The following FAM114A2 variants were observed in gnomAD, a reference collection of about 807,000 sequenced individuals.
FAM114A2 encodes protein FAM114A2.
Under a neutral mutation model 58.4 loss-of-function variants are expected in FAM114A2, and 53 were observed. The ratio of observed to expected loss-of-function variants is 0.91; its 90% CI spans 0.73 to 1.14. The LOEUF is 1.14. Among genes scored for constraint, FAM114A2 ranks in the 50% most tolerant of loss-of-function variants. The pLI is 0.00. For synonymous variants in FAM114A2, 228 were observed against 211.4 expected (o/e 1.08, Z -0.68); for missense variants, 601 against 581.1 (o/e 1.03, Z -0.35).
intron 9 of FAM114A2, among the ~76,000 whole-genome samples, chr5:154,010,609 A>G (rs1223868387): frequency 6.6e-6 from 1 of 152,192 alleles, no homozygotes; most frequent in Non-Finnish European, 1.5e-5. Flanking sequence ...GTAAAGAGGT[A>G]GCAAGCAATC....
Position 153,997,953 on chromosome 5 carries a change from G to A in FAM114A2, c.1257-78C>T, listed in dbSNP as rs1769692841. ...GTTATATTTAACAATTGTCAGAAGA[G>A]AACAAATCACTTCTGGTACTAAATG... On this transcript the variant is annotated intron_variant, in intron 11 of 13. Coordinates refer to ENST00000351797, the MANE Select transcript of FAM114A2 (RefSeq NM_018691.4). 1.1e-5 allele frequency: 10 copies of A among 871,976 alleles called. No homozygotes were observed. The Admixed American group carries it at 1.8e-4, about 16-fold the overall frequency. 54.0% of individuals were successfully genotyped at this position (871,976 alleles called of 1,614,324 possible).
At chr5:154,024,428 G>T (rs1026847054) in intron 8 of FAM114A2, among the ~76,000 whole-genome samples, 1 of 152,036 alleles carries the variant, frequency 6.6e-6, no homozygotes, top group African/African-American at 2.4e-5. Context: ...AAAAGAAAAA[G>T]TTTAGTGAGA....
At chr5:154,021,465 C>T (rs973029556) in intron 8 of FAM114A2, among the ~76,000 whole-genome samples, 16 of 152,160 alleles carry the variant, frequency 1.1e-4, no homozygotes, top group African/African-American at 3.4e-4. Flanking sequence ...GACACAAAAT[C>T]GATGTTGAAA....
At chr5:154,033,259 C>G (rs1277619732) in intron 4 of FAM114A2, among the ~76,000 whole-genome samples, 2 of 152,174 alleles carry the variant, frequency 1.3e-5, no homozygotes. Flanking sequence ...TGAAAAGATT[C>G]CTATTTTCTG....
Position 154,022,400 on chromosome 5 carries a change from G to T in FAM114A2, c.913+3999C>A, listed in dbSNP as rs553098917. On this transcript the variant is annotated intron_variant, in intron 8 of 13. Coordinates refer to ENST00000351797, the MANE Select transcript of FAM114A2 (RefSeq NM_018691.4). ...CAATCTACCCATCTGACAAAGGGCT[G>T]ATATCCAGAATTTACAAAGAACTTA... Among the ~76,000 whole-genome samples the T allele has an allele frequency of 5.9e-5, 9 of 152,164 alleles. No homozygotes were observed. The East Asian group carries it at 1.7e-3, about 29-fold the overall frequency.
chr5:154,028,411 T>C (rs1771951553), intron 5 of FAM114A2, 128 bp from the exon 6 acceptor site: 1 of 639,328 alleles, frequency 1.6e-6, no homozygotes, highest in African/African-American at 1.8e-5. Flanking sequence ...GTAAAGCAAA[T>C]GAAACAATCA....
intron 9 of FAM114A2, among the ~76,000 whole-genome samples, chr5:154,007,065 G>A (rs778981253): frequency 9.9e-4 from 150 of 152,264 alleles, no homozygotes; most frequent in Non-Finnish European, 1.7e-3. Flanking sequence ...AAAGTGCTGG[G>A]ATTACAGGCG....
rs148778672 is a variant in FAM114A2, at chr5:154,026,445, T to C, written c.867A>G (p.Thr289=). The C allele has an allele frequency of 3.8e-6, 6 of 1,582,118 alleles. No homozygotes were observed. The highest frequency in any genetic ancestry group is 3.4e-6 in the Non-Finnish European group (4 of 1,165,890). The change falls in exon 8 of 14, where the codon ACA becomes ACG. Residue 289 remains threonine (T), a synonymous_variant. Transcript: ENST00000351797. ...LKVELEQLKE[T]FSLAEFCEEE... is the part of the protein sequence containing the mutation. ...CTTCACAAAATTCTGCTAGAGAAAATGTTTCTTTGAGTTGCTCTAATTCAA... is the reference window on the plus strand; with the variant it reads ...CTTCACAAAATTCTGCTAGAGAAAACGTTTCTTTGAGTTGCTCTAATTCAA...
rs1227720907 is a variant in FAM114A2, at chr5:153,991,080, T to C, written c.*1896A>G. Reference sequence around the variant, plus strand: ...CTAGTGGTCCCTAACTCCATTAAAATAAATAAATATATATGGGGGGGTGGG... The same window carrying C: ...CTAGTGGTCCCTAACTCCATTAAAACAAATAAATATATATGGGGGGGTGGG... On this transcript the variant is annotated 3_prime_UTR_variant, in exon 14 of 14. Coordinates refer to ENST00000351797, the MANE Select transcript of FAM114A2 (RefSeq NM_018691.4). The C allele has an allele frequency of 4.7e-5, 7 of 150,208 alleles. No homozygotes were observed. The highest frequency in any genetic ancestry group is 1.0e-4 in the Non-Finnish European group (7 of 67,656). The allele number at this position is 150,208 out of a possible 1,614,324, so 9.3% of individuals were successfully genotyped here. A position where few individuals can be genotyped will look rare whatever the true frequency, so the allele number is the denominator to read the frequency against.
intron 8 of FAM114A2, among the ~76,000 whole-genome samples, chr5:154,011,775 G>C (rs1321732134): frequency 1.3e-5 from 2 of 152,156 alleles, no homozygotes. Context: ...CATCAAACTT[G>C]AGTACAAGTT....
In FAM114A2 at chr5:154,034,823, T is replaced by C. The variant is rs1280102442; in HGVS notation, c.131A>G (p.Glu44Gly). ...DQGAKPESKSEPVVSTRKRPE... is the reference protein window; with the variant it reads ...DQGAKPESKSGPVVSTRKRPE... ...TCTTTTCCGAGTGGAAACTACAGGT[T>C]CTGATTTACTCTCTGGTTTGGCACC... The change falls in exon 2 of 14, where the codon GAA (glutamate) becomes GGA (glycine). Residue 44 changes from glutamate (E) to glycine (G), a missense_variant. Coordinates refer to ENST00000351797, the MANE Select transcript of FAM114A2 (RefSeq NM_018691.4). 4 of 1,613,930 alleles carry C rather than the reference T, an allele frequency of 2.5e-6. No individual in the cohort carries two copies. The highest frequency in any genetic ancestry group is 1.7e-5 in the Admixed American group (1 of 59,998).
chr5:153,995,389 A>G (rs2113164753), intron 12 of FAM114A2: 1 of 154,132 alleles, frequency 6.5e-6, no homozygotes, highest in East Asian at 1.9e-4. Flanking sequence ...CTTATAGTTG[A>G]TATGCTGGCT....
At chr5:154,028,615 C>A (rs1771965572) in intron 5 of FAM114A2, among the ~76,000 whole-genome samples, 1 of 152,126 alleles carries the variant, frequency 6.6e-6, no homozygotes, top group Non-Finnish European at 1.5e-5. Context: ...CTGAAAACTA[C>A]CCCAATGCTC....
chr5:154,017,397 G>A (rs529887970), intron 8 of FAM114A2, among the ~76,000 whole-genome samples: 19 of 152,282 alleles, frequency 1.2e-4, no homozygotes, highest in African/African-American at 3.8e-4. Flanking sequence ...AGCCGAGATC[G>A]TGCCATTGCA....
rs763776800 is a variant in FAM114A2, at chr5:154,023,021, CA to C, written c.913+3377del. On this transcript the variant is annotated intron_variant, in intron 8 of 13. Coordinates refer to ENST00000351797, the MANE Select transcript of FAM114A2 (RefSeq NM_018691.4). ...TGAAGCTGGAAACCATCATTCTGAG[CA>C]AACTATCACAAGGACAGAAAACCAA... Among the ~76,000 whole-genome samples the C allele has an allele frequency of 5.9e-5, 9 of 152,198 alleles. No homozygotes were observed. The South Asian group carries it at 1.5e-3, about 25-fold the overall frequency.
chr5:154,010,026 T>C (rs1308982093), intron 9 of FAM114A2, among the ~76,000 whole-genome samples: 2 of 152,322 alleles, frequency 1.3e-5, no homozygotes, highest in South Asian at 4.1e-4. Flanking sequence ...CTGAAGTTGA[T>C]AGCTACACTG....
intron 9 of FAM114A2, among the ~76,000 whole-genome samples, chr5:154,009,035 G>A (rs1290380354): frequency 2.0e-5 from 3 of 152,146 alleles, no homozygotes; most frequent in African/African-American, 7.2e-5. Context: ...AACACATATA[G>A]GTGTATATGT....
At chr5:153,998,270 C>A (rs2113197336) in intron 11 of FAM114A2, among the ~76,000 whole-genome samples, 1 of 152,298 alleles carries the variant, frequency 6.6e-6, no homozygotes, top group South Asian at 2.1e-4. Flanking sequence ...GGTTATCAGA[C>A]TGACTGTTGT....
At chr5:154,017,191 C>A (rs1479314393) in intron 8 of FAM114A2, among the ~76,000 whole-genome samples, 1 of 152,178 alleles carries the variant, frequency 6.6e-6, no homozygotes, top group Non-Finnish European at 1.5e-5. Context: ...GCCTGTAATC[C>A]CAGCATTTTG....
Sources: allele counts gnomAD v4.1 joint callset (sites outside exome capture counted in the v4.1 genomes callset), GRCh38; gene constraint gnomAD v4.1.1; transcripts MANE v1.5; gene names NCBI Gene and HGNC (gene_info 2026-07-23, HGNC 2026-07-21).